CPS1: variants seen among roughly 807,000 people sequenced by gnomAD.
CPS1 encodes the protein carbamoyl-phosphate synthase 1, also known as carbamoyl-phosphate synthase [ammonia], mitochondrial.
A neutral mutation model predicts 174.6 loss-of-function variants in CPS1; 109 were observed. The ratio of observed to expected loss-of-function variants is 0.62; its 90% CI spans 0.53 to 0.73. The LOEUF (loss-of-function observed/expected upper bound fraction) is 0.73, where lower values mean the gene tolerates loss of function less well. Among genes scored for constraint, CPS1 ranks in the 30% least tolerant of loss-of-function variants. The probability of loss-of-function intolerance (pLI) is 0.00; values close to 1 mark genes in which losing one functional copy is unlikely to be tolerated. For synonymous variants in CPS1, 637 were observed against 632.0 expected, an observed-to-expected ratio of 1.01 and a Z score of -0.12; for missense variants, 1,689 against 1,821.9, an observed-to-expected ratio of 0.93 and a Z score of 1.33.
intron 33 of CPS1, among the ~76,000 whole-genome samples, chr2:210,665,776 T>C (rs868533277): frequency 0.011 from 1,628 of 144,208 alleles, 11 homozygotes; most frequent in African/African-American, 0.026. Context: ...AATAGTGCCG[T>C]AATAAACATA....
At position 210,650,399 on chromosome 2, in the gene CPS1, G is replaced by A; in HGVS notation, c.3441G>A (p.Glu1147=). The A allele has an allele frequency of 1.2e-6, 2 of 1,613,674 alleles. No homozygotes were observed. The highest frequency in any genetic ancestry group is 1.7e-6 in the Non-Finnish European group (2 of 1,179,676). ...TGAATGTGGTATTCTCTGAGGATGA[G>A]ATGAAAAAATTCCTAGAAGAGGCGA... ...SAMNVVFSED[E]MKKFLEEATR... is the part of the protein sequence containing the mutation. Residue 1147 remains glutamate (E), a synonymous_variant, in exon 28 of 38, where the codon GAG becomes GAA. Coordinates refer to ENST00000233072, the MANE Select transcript of CPS1 (RefSeq NM_001875.5).
At chr2:210,594,956 A>G (rs1667492579) in intron 12 of CPS1, among the ~76,000 whole-genome samples, 1 of 151,952 alleles carries the variant, frequency 6.6e-6, no homozygotes, top group African/African-American at 2.4e-5. Context: ...ATCATTATAG[A>G]TGATAGAATT....
At chr2:210,536,102 A>G (rs1696243915) in intron 1 of CPS1, among the ~76,000 whole-genome samples, 1 of 152,086 alleles carries the variant, frequency 6.6e-6, no homozygotes, top group Admixed American at 6.6e-5. Flanking sequence ...ATGCAAGTCT[A>G]TTTCAGACTT....
At chr2:210,520,016 C>T (rs1371551206) in intron 1 of CPS1, among the ~76,000 whole-genome samples, 1 of 151,852 alleles carries the variant, frequency 6.6e-6, no homozygotes, top group Non-Finnish European at 1.5e-5. Flanking sequence ...AAATACAAAT[C>T]GTCATTGTTT....
intron 1 of CPS1, among the ~76,000 whole-genome samples, chr2:210,507,607 A>T (rs1323833281): frequency 1.3e-5 from 2 of 151,528 alleles, no homozygotes; most frequent in African/African-American, 4.8e-5. Flanking sequence ...GTCAAGACCC[A>T]TCAGTGTGCT....
At chr2:210,484,123 T>G (rs1307227740) in intron 1 of CPS1, among the ~76,000 whole-genome samples, 1 of 152,186 alleles carries the variant, frequency 6.6e-6, no homozygotes, top group Non-Finnish European at 1.5e-5. Flanking sequence ...AGAGTCACCT[T>G]ACCTGACCTG....
At chr2:210,547,633 C>T (rs1696598911) in intron 1 of CPS1, among the ~76,000 whole-genome samples, 1 of 151,908 alleles carries the variant, frequency 6.6e-6, no homozygotes, top group Non-Finnish European at 1.5e-5. Flanking sequence ...CTAAAAGACC[C>T]TTAATTGAAG....
At chr2:210,490,438 TA>T (rs1488256204) in intron 1 of CPS1, among the ~76,000 whole-genome samples, 1 of 152,206 alleles carries the variant, frequency 6.6e-6, no homozygotes, top group African/African-American at 2.4e-5. Context: ...AATAAATCCA[TA>T]AGTATGTACC....
At chr2:210,527,204 C>T (rs543932363) in intron 1 of CPS1, among the ~76,000 whole-genome samples, 2 of 151,942 alleles carry the variant, frequency 1.3e-5, no homozygotes, top group Non-Finnish European at 2.9e-5. Flanking sequence ...ACAAAAACAC[C>T]TATACTAAGT....
At chr2:210,575,487 G>A (rs1697665359) in intron 2 of CPS1, among the ~76,000 whole-genome samples, 1 of 148,258 alleles carries the variant, frequency 6.7e-6, no homozygotes, top group Non-Finnish European at 1.5e-5. Context: ...ATATGTGTGT[G>A]TGTGTATATA....
intron 1 of CPS1, among the ~76,000 whole-genome samples, chr2:210,490,175 G>T (rs2105950101): frequency 6.6e-6 from 1 of 152,214 alleles, no homozygotes; most frequent in Non-Finnish European, 1.5e-5. Context: ...TAACCACTCA[G>T]GAATACCATT....
At chr2:210,655,277 C>T (rs574452658) in intron 29 of CPS1, among the ~76,000 whole-genome samples, 4 of 152,266 alleles carry the variant, frequency 2.6e-5, no homozygotes, top group African/African-American at 4.8e-5. Flanking sequence ...GGCCTAGAGA[C>T]ATTTGTACTT....
chr2:210,519,001 G>A (rs1010066594), intron 1 of CPS1, among the ~76,000 whole-genome samples: 6 of 151,934 alleles, frequency 3.9e-5, no homozygotes, highest in Non-Finnish European at 5.9e-5. Flanking sequence ...CACCAATTAT[G>A]TGAGTGAAAC....
intron 1 of CPS1, among the ~76,000 whole-genome samples, chr2:210,524,679 G>A (rs1444967225): frequency 6.6e-6 from 1 of 151,872 alleles, no homozygotes; most frequent in African/African-American, 2.4e-5. Context: ...AACCATGCTG[G>A]ACCAATCAGA....
At chr2:210,552,647 G>A (rs1169036752), upstream of CPS1, among the ~76,000 whole-genome samples, 2 of 150,692 alleles carry the variant, frequency 1.3e-5, no homozygotes, top group Non-Finnish European at 3.0e-5. Flanking sequence ...TTTTCAATCT[G>A]TAGCAGGTCT....
At position 210,602,276 on chromosome 2, in the gene CPS1, G is replaced by A; in HGVS notation, c.1782G>A (p.Gly594=). ...TCCGTTCCGCCTATGCACTGGGTGG[G>A]TTAGGCTCAGGCATCTGTCCCAACA... is the stretch of plus-strand genomic sequence containing the variant. The part of the protein sequence containing the change: ...VMIRSAYALG[G]LGSGICPNRE... The change falls in exon 16 of 38, where the codon GGG becomes GGA. Residue 594 remains glycine (G), a synonymous_variant. Coordinates refer to ENST00000233072, the MANE Select transcript of CPS1 (RefSeq NM_001875.5). 2.5e-6 allele frequency: 4 copies of A among 1,612,588 alleles called. No homozygotes were observed. The highest frequency in any genetic ancestry group is 2.5e-6 in the Non-Finnish European group (3 of 1,179,096).
At chr2:210,535,317 AC>A (rs1427593515) in intron 1 of CPS1, among the ~76,000 whole-genome samples, 2 of 151,868 alleles carry the variant, frequency 1.3e-5, no homozygotes, top group African/African-American at 2.4e-5. Flanking sequence ...TTAGGCACCT[AC>A]CCCTGTCAGA....
chr2:210,593,883 G>T (rs1021099944), intron 11 of CPS1, among the ~76,000 whole-genome samples: 1 of 151,884 alleles, frequency 6.6e-6, no homozygotes, highest in African/African-American at 2.4e-5. Context: ...TCTAACACAT[G>T]CTAAGTAGTT....
intron 1 of CPS1, among the ~76,000 whole-genome samples, chr2:210,565,373 C>G (rs1697268867): frequency 6.6e-6 from 1 of 152,126 alleles, no homozygotes; most frequent in Non-Finnish European, 1.5e-5. Flanking sequence ...CCCAGATTCA[C>G]AATACGTGTA....
Sources: allele counts gnomAD v4.1 joint callset (sites outside exome capture counted in the v4.1 genomes callset), GRCh38; gene constraint gnomAD v4.1.1; transcripts MANE v1.5; gene names NCBI Gene and HGNC (gene_info 2026-07-23, HGNC 2026-07-21).